GRIN2B: variants seen among roughly 807,000 people sequenced by gnomAD.
GRIN2B encodes the protein glutamate receptor ionotropic, NMDA 2B.
A neutral mutation model predicts 114.5 loss-of-function variants in GRIN2B; 5 were observed. That is an observed-to-expected ratio of 0.04 (90% confidence interval 0.02 to 0.09). GRIN2B has a LOEUF of 0.09. GRIN2B is among the 10% of genes least tolerant of loss of function. The pLI is 1.00. For missense variants in GRIN2B, 1,108 were observed against 1,943.5 expected (o/e 0.57, Z 8.08); for synonymous variants, 787 against 745.1 (o/e 1.06, Z -0.92).
At chr12:13,873,764 G>C (rs182088193) in intron 2 of GRIN2B, among the ~76,000 whole-genome samples, 26 of 152,234 alleles carry the variant, frequency 1.7e-4, no homozygotes, top group Admixed American at 1.3e-3. Flanking sequence ...TTGTCATTGA[G>C]TGACCCACAT....
chr12:13,657,539 T>G (rs1183864913), intron 5 of GRIN2B, among the ~76,000 whole-genome samples: 1 of 152,172 alleles, frequency 6.6e-6, no homozygotes, highest in African/African-American at 2.4e-5. Context: ...CACCTGTTGG[T>G]GTGCTCTTCA....
chr12:13,564,156 G>A lies in GRIN2B; in HGVS notation c.3082C>T (p.Pro1028Ser). The A allele has an allele frequency of 1.9e-6, 3 of 1,614,042 alleles. No homozygotes were observed. The highest frequency in any genetic ancestry group is 2.5e-6 in the Non-Finnish European group (3 of 1,180,044). Residue 1028 changes from proline (P) to serine (S), a missense_variant, in exon 14 of 14, where the codon CCC (proline) becomes TCC (serine). Pro to Ser is a moderately conservative substitution (Grantham distance 74, BLOSUM62 -1). Coordinates refer to ENST00000609686, the MANE Select transcript of GRIN2B (RefSeq NM_000834.5). The surrounding 1 kb of genome is among the most constrained non-coding windows in gnomAD (Gnocchi z 4.8). ...ISKKPLDIGL[P>S]SSKHSQLSDL... Reference sequence around the variant, plus strand: ...CTGAGCTGGCTGTGCTTGGAGGAGGGGAGGCCGATGTCCAGGGGCTTCTTG... The same window carrying A: ...CTGAGCTGGCTGTGCTTGGAGGAGGAGAGGCCGATGTCCAGGGGCTTCTTG...
At chr12:13,812,838 T>C (rs1258797210) in intron 3 of GRIN2B, among the ~76,000 whole-genome samples, 3 of 152,178 alleles carry the variant, frequency 2.0e-5, no homozygotes, top group Middle Eastern at 3.4e-3. Context: ...GTGACAACTG[T>C]AGACATCTGT....
intron 4 of GRIN2B, among the ~76,000 whole-genome samples, chr12:13,678,577 G>T (rs1011799470): frequency 1.3e-5 from 2 of 151,998 alleles, no homozygotes; most frequent in African/African-American, 4.8e-5. Flanking sequence ...CACCTTGGCT[G>T]CTCTCTCCAG....
At chr12:13,908,979 A>T (rs1866588015) in intron 2 of GRIN2B, among the ~76,000 whole-genome samples, 1 of 152,194 alleles carries the variant, frequency 6.6e-6, no homozygotes, top group South Asian at 2.1e-4. Context: ...TGACCCGAAG[A>T]AGGAGTCCTG....
chr12:13,647,365 A>G lies in GRIN2B; in HGVS notation c.1125+28380T>C, dbSNP rs191221849. ...TCAAGGTCACACAACCCATAAAGCA[A>G]CAGGACTCATACTTAAACTTAAGTC... is the stretch of plus-strand genomic sequence containing the variant. On this transcript the variant is annotated intron_variant, in intron 5 of 13. Transcript: ENST00000609686. Among the ~76,000 whole-genome samples the G allele has an allele frequency of 9.2e-5, 14 of 152,252 alleles. No homozygotes were observed. The East Asian group carries it at 2.1e-3, about 23-fold the overall frequency.
At chr12:13,783,951 CG>C (rs1864170092) in intron 3 of GRIN2B, among the ~76,000 whole-genome samples, 1 of 152,002 alleles carries the variant, frequency 6.6e-6, no homozygotes, top group Non-Finnish European at 1.5e-5. Flanking sequence ...CGGCCGGGCG[CG>C]GTGGCTCATG....
intron 6 of GRIN2B, 97 bp downstream of exon 6, chr12:13,616,358 A>G: frequency 1.2e-6 from 1 of 851,932 alleles, no homozygotes; most frequent in Non-Finnish European, 2.0e-6. Context: ...CACAGTGCCC[A>G]ATTCTCATGC....
intron 3 of GRIN2B, among the ~76,000 whole-genome samples, chr12:13,812,851 A>G (rs1180050114): frequency 2.0e-5 from 3 of 151,964 alleles, no homozygotes; most frequent in African/African-American, 7.2e-5. Flanking sequence ...ACATCTGTAG[A>G]GGCATTTCAT....
At chr12:13,825,302 T>G (rs554519852) in intron 3 of GRIN2B, among the ~76,000 whole-genome samples, 49 of 151,916 alleles carry the variant, frequency 3.2e-4, no homozygotes, top group Middle Eastern at 3.4e-3. Flanking sequence ...CAACTTACAC[T>G]TGATAAGACT....
At chr12:13,940,469 C>T (rs71459108) in intron 2 of GRIN2B, among the ~76,000 whole-genome samples, 8,176 of 151,998 alleles carry the variant, frequency 0.054, 303 homozygotes, top group Non-Finnish European at 0.082. Context: ...CACACGTACA[C>T]ATGCAAACAG....
chr12:13,657,581 G>T (rs545804748), intron 5 of GRIN2B, among the ~76,000 whole-genome samples: 1 of 152,124 alleles, frequency 6.6e-6, no homozygotes, highest in Non-Finnish European at 1.5e-5. Flanking sequence ...GATGCAGAAG[G>T]CAAAGCCAAC....
At chr12:13,944,177 AC>A (rs1867322676) in intron 2 of GRIN2B, among the ~76,000 whole-genome samples, 1 of 152,066 alleles carries the variant, frequency 6.6e-6, no homozygotes, top group African/African-American at 2.4e-5. Flanking sequence ...AATCTGAAAC[AC>A]CCTGTTTTGA....
chr12:13,615,403 A>G lies in GRIN2B; in HGVS notation c.1500+90T>C. The G allele has an allele frequency of 6.9e-7, 1 of 1,441,952 alleles. No individual in the cohort carries two copies. Among genetic ancestry groups the G allele is most frequent in the Admixed American group, 1.7e-5 (1 of 59,712 alleles). 89.3% of individuals were successfully genotyped at this position (1,441,952 alleles called of 1,614,324 possible). A position where few individuals can be genotyped will look rare whatever the true frequency, so the allele number is the denominator to read the frequency against. ...TTATTTGCCATTTTATATTTTCTGA[A>G]ATGCATAAAGTGAGCACGTTTTAAA... On this transcript the variant is annotated intron_variant, in intron 7 of 13. Transcript: ENST00000609686. The surrounding 1 kb of genome is among the most constrained non-coding windows in gnomAD (Gnocchi z 5.8).
Position 13,944,179 on chromosome 12 carries a change from C to T in GRIN2B, c.-19+35749G>A, listed in dbSNP as rs113781395. On this transcript the variant is annotated intron_variant, in intron 2 of 13. Transcript: ENST00000609686. The stretch of plus-strand genomic sequence containing the variant: ...ATATCATTCTCCAAATCTGAAACAC[C>T]CTGTTTTGAACTGCCACCATTTCCT... Among the ~76,000 whole-genome samples the T allele has an allele frequency of 7.8e-3, 1,189 of 152,208 alleles. 10 individuals are homozygous for T. The highest frequency in any genetic ancestry group is 0.027 in the African/African-American group (1,129 of 41,528).
rs1274274446 is a variant in GRIN2B at position 13,551,392 on chromosome 12, A to G, written c.*11391T>C. Reference sequence around the variant, plus strand: ...TACCAGTCCATCAACAGGACCTTAGAAGGCCACATGGATTCCATAGGGTAA... The same window carrying G: ...TACCAGTCCATCAACAGGACCTTAGGAGGCCACATGGATTCCATAGGGTAA... On this transcript the variant is annotated 3_prime_UTR_variant, in exon 14 of 14. Transcript: ENST00000609686. 6.6e-6 allele frequency: 1 copy of G among 152,176 alleles called. No individual in the cohort carries two copies. Among genetic ancestry groups the G allele is most frequent in the Non-Finnish European group, 1.5e-5 (1 of 68,026 alleles). 9.4% of individuals were successfully genotyped at this position (152,176 alleles called of 1,614,324 possible).
chr12:13,960,795 C>A (rs1867675724), intron 2 of GRIN2B, among the ~76,000 whole-genome samples: 1 of 152,134 alleles, frequency 6.6e-6, no homozygotes, highest in Admixed American at 6.5e-5. Flanking sequence ...TGGGTCAGGA[C>A]AAAGGCAGTT....
chr12:13,679,280 A>G (rs1950106845), intron 4 of GRIN2B, among the ~76,000 whole-genome samples: 5 of 152,212 alleles, frequency 3.3e-5, no homozygotes, highest in African/African-American at 1.2e-4. Flanking sequence ...AGCAACATCA[A>G]TGGAATAACT....
chr12:13,679,605 C>T (rs1950109510), intron 4 of GRIN2B, among the ~76,000 whole-genome samples: 1 of 152,162 alleles, frequency 6.6e-6, no homozygotes, highest in African/African-American at 2.4e-5. Flanking sequence ...ATCCTTTCAT[C>T]ATTCATATCT....
Sources: allele counts gnomAD v4.1 joint callset (sites outside exome capture counted in the v4.1 genomes callset), GRCh38; gene constraint gnomAD v4.1.1; non-coding constraint Gnocchi (gnomAD v3.1); transcripts MANE v1.5; gene names NCBI Gene and HGNC (gene_info 2026-07-23, HGNC 2026-07-21).